HDGF: variants seen among roughly 807,000 people sequenced by gnomAD.
HDGF encodes hepatoma-derived growth factor.
In HDGF, 5 loss-of-function variants were observed where a neutral mutation model predicts 30.0. The observed-to-expected ratio is 0.17, with a 90% CI of 0.09 to 0.35. The LOEUF is 0.35. Ranked by LOEUF, HDGF falls within the 10% of genes least tolerant of loss-of-function variation. The pLI is 1.00. For missense variants in HDGF, 214 were observed against 302.8 expected (o/e 0.71, Z 2.18); for synonymous variants, 133 against 112.7 (o/e 1.18, Z -1.14).
intron 1 of HDGF, among the ~76,000 whole-genome samples, chr1:156,764,452 C>A (rs986170487): frequency 3.3e-5 from 5 of 152,132 alleles, no homozygotes; most frequent in African/African-American, 1.2e-4. Flanking sequence ...CCGCCTCAGC[C>A]TCCCAAAGTG....
chr1:156,767,135 C>G (rs1174333058), upstream of HDGF, among the ~76,000 whole-genome samples: 1 of 152,194 alleles, frequency 6.6e-6, no homozygotes, highest in Non-Finnish European at 1.5e-5. Flanking sequence ...CTCAATCCGC[C>G]AGCTTCCCAG....
intron 1 of HDGF, among the ~76,000 whole-genome samples, chr1:156,762,255 A>G (rs1023994746): frequency 6.6e-6 from 1 of 151,790 alleles, no homozygotes; most frequent in Non-Finnish European, 1.5e-5. Context: ...GGAAAAAAAA[A>G]AAAACAGGCC....
intron 1 of HDGF, chr1:156,759,315 T>G (rs1651204579): frequency 6.6e-6 from 1 of 152,200 alleles, no homozygotes; most frequent in Non-Finnish European, 1.5e-5. Context: ...AGAAATATTG[T>G]GGGTATTCTT....
In HDGF at chr1:156,758,608, T is replaced by TAAATAAATAAAAAAA. The variant is rs774936141; in HGVS notation, n.373+374_373+375insTTTTTTTATTTATTT. The stretch of plus-strand genomic sequence containing the variant: ...ACTCCGTCTCAAAAAAAAAAATAAA[T>TAAATAAATAAAAAAA]AAATAAATAAATAAAAAAAATTAGC... On this transcript the variant is annotated intron_variant and non_coding_transcript_variant, in intron 2 of 7. Coordinates refer to the HDGF transcript ENST00000465180. Among the ~76,000 whole-genome samples, 3 of 92,042 alleles carry TAAATAAATAAAAAAA rather than the reference T, an allele frequency of 3.3e-5. No individual in the cohort carries two copies. The South Asian group carries it at 9.9e-4, about 30-fold the overall frequency. 60.4% of individuals were successfully genotyped at this position (92,042 alleles called of 152,430 possible).
chr1:156,760,391 C>T (rs934847478), intron 1 of HDGF, among the ~76,000 whole-genome samples: 2 of 152,120 alleles, frequency 1.3e-5, no homozygotes, highest in African/African-American at 2.4e-5. Flanking sequence ...TAGATTGAGC[C>T]CTGCCTCTCA....
intron 1 of HDGF, among the ~76,000 whole-genome samples, chr1:156,761,183 C>T (rs1000022029): frequency 1.2e-4 from 18 of 151,774 alleles, no homozygotes; most frequent in African/African-American, 4.4e-4. Flanking sequence ...CGTGGTGGAG[C>T]GTGCCTGTAA....
upstream of HDGF, among the ~76,000 whole-genome samples, chr1:156,753,464 G>A (rs1393599052): frequency 1.3e-5 from 2 of 152,214 alleles, no homozygotes; most frequent in Non-Finnish European, 2.9e-5. Context: ...TTTGTTAGGA[G>A]AGAGTCTTGT....
chr1:156,744,754 T>C (rs1219139330), intron 3 of HDGF, among the ~76,000 whole-genome samples: 1 of 151,402 alleles, frequency 6.6e-6, no homozygotes, highest in East Asian at 2.0e-4. Context: ...AACAAAGGCC[T>C]GTCCCCACTT....
intron 4 of HDGF, 86 bp downstream of exon 4, chr1:156,744,077 G>T (rs1650332592): frequency 1.3e-5 from 18 of 1,410,962 alleles, no homozygotes; most frequent in Non-Finnish European, 1.5e-5. Flanking sequence ...CTCAGACTGG[G>T]CACCCCTGAG....
At chr1:156,757,181 T>G (rs1473921795), upstream of HDGF, among the ~76,000 whole-genome samples, 3 of 151,900 alleles carry the variant, frequency 2.0e-5, no homozygotes, top group Non-Finnish European at 4.4e-5. Flanking sequence ...AAATTTAAAT[T>G]AAGGCCGGAT....
At chr1:156,765,472 C>CTTTTTT (rs71080793) in intron 1 of HDGF, among the ~76,000 whole-genome samples, 880 of 85,870 alleles carry the variant, frequency 0.01, 4 homozygotes, top group Middle Eastern at 0.019. Flanking sequence ...TTCTTTCTTT[C>CTTTTTT]TTTTTTTTTT....
At chr1:156,745,662 C>G (rs1204791661) in intron 1 of HDGF, among the ~76,000 whole-genome samples, 1 of 152,214 alleles carries the variant, frequency 6.6e-6, no homozygotes, top group Non-Finnish European at 1.5e-5. Flanking sequence ...TTGCCATCAC[C>G]TTCTCCATTC....
chr1:156,745,969 C>T (rs116523246), intron 1 of HDGF, among the ~76,000 whole-genome samples: 1,663 of 152,286 alleles, frequency 0.011, 29 homozygotes, highest in African/African-American at 0.038. Flanking sequence ...GCATGTGGTA[C>T]ATCCTACACG....
chr1:156,764,067 G>A (rs914087521), intron 1 of HDGF, among the ~76,000 whole-genome samples: 3 of 121,768 alleles, frequency 2.5e-5, no homozygotes, highest in African/African-American at 6.4e-5. Flanking sequence ...GCCCATGCCC[G>A]GCTTTTTTTC....
chr1:156,747,778 GGTGT>G (rs1558034741), intron 1 of HDGF, among the ~76,000 whole-genome samples: 1 of 152,026 alleles, frequency 6.6e-6, no homozygotes, highest in Non-Finnish European at 1.5e-5. Context: ...TTCATAAGAG[GGTGT>G]GTGTGGGTGA....
intron 1 of HDGF, among the ~76,000 whole-genome samples, chr1:156,748,366 A>G (rs1650737269): frequency 6.6e-6 from 1 of 152,206 alleles, no homozygotes; most frequent in Non-Finnish European, 1.5e-5. Context: ...CAATACAGAC[A>G]TCTGTCTTCC....
chr1:156,743,943 T>C, intron 4 of HDGF, 65 bp from the exon 5 acceptor site: 1 of 1,259,242 alleles, frequency 7.9e-7, no homozygotes, highest in Non-Finnish European at 1.2e-6. Flanking sequence ...CACCCACTCC[T>C]CTCCTCCGGG....
In HDGF at chr1:156,751,252, T is replaced by C; in HGVS notation, c.87+91A>G. 7.0e-7 allele frequency: 1 copy of C among 1,433,738 alleles called. No individual in the cohort carries two copies. The highest frequency in any genetic ancestry group is 1.3e-5 in the South Asian group (1 of 74,676). The allele number at this position is 1,433,738 out of a possible 1,614,324, so 88.8% of individuals were successfully genotyped here. ...CCTACAAGCCCCCTGCCCCCACCTCTGCCCGCTCCGCGCGGAGCGCTCGTG... is the reference window on the plus strand; with the variant it reads ...CCTACAAGCCCCCTGCCCCCACCTCCGCCCGCTCCGCGCGGAGCGCTCGTG... On this transcript the variant is annotated intron_variant, in intron 1 of 5. Transcript: ENST00000357325. The surrounding 1 kb of genome is among the most constrained non-coding windows in gnomAD (Gnocchi z 4.7).
chr1:156,765,216 CT>C (rs1651333504), intron 1 of HDGF, among the ~76,000 whole-genome samples: 1 of 148,556 alleles, frequency 6.7e-6, no homozygotes, highest in Non-Finnish European at 1.5e-5. Context: ...CCTCAGCCCC[CT>C]GAGTAGCTGG....
Sources: gnomAD v4.1 joint callset for allele counts (sites outside exome capture counted in the v4.1 genomes callset) on GRCh38, gnomAD v4.1.1 for gene constraint, Gnocchi (gnomAD v3.1) non-coding constraint, MANE v1.5 for transcripts, NCBI Gene and HGNC (gene_info 2026-07-23, HGNC 2026-07-21) for gene names.